The following ANXA4 variants were observed in gnomAD, a reference collection of about 807,000 sequenced individuals.
ANXA4 encodes annexin A4.
Under a neutral mutation model 49.8 loss-of-function variants are expected in ANXA4, and 39 were observed. The observed-to-expected ratio is 0.78, with a 90% confidence interval of 0.61 to 1.02. The LOEUF (loss-of-function observed/expected upper bound fraction) is 1.02. Ranked by LOEUF, ANXA4 falls within the 50% of genes least tolerant of loss-of-function variation. ANXA4 has a pLI of 0.00. For missense variants in ANXA4, 360 were observed against 410.1 expected (o/e 0.88, Z 1.05); for synonymous variants, 134 against 152.5 (o/e 0.88, Z 0.89).
chr2:69,775,867 G>A (rs1032944682), intron 1 of ANXA4, among the ~76,000 whole-genome samples: 4 of 152,062 alleles, frequency 2.6e-5, no homozygotes, highest in African/African-American at 4.8e-5. Context: ...AAGCTTCTTG[G>A]GTCTTTTGTT....
intron 3 of ANXA4, among the ~76,000 whole-genome samples, chr2:69,794,445 T>A (rs1672830463): frequency 6.6e-6 from 1 of 152,260 alleles, no homozygotes; most frequent in Non-Finnish European, 1.5e-5. Flanking sequence ...TCCTTCCTTT[T>A]TGTTACATAG....
At chr2:69,663,432 T>G (rs1034706328) in intron 2 of ANXA4, among the ~76,000 whole-genome samples, 2 of 143,398 alleles carry the variant, frequency 1.4e-5, no homozygotes, top group African/African-American at 5.2e-5. Flanking sequence ...ACAGAGAAAA[T>G]GAAATGAGGA....
chr2:69,815,157 T>C (rs1673928461), intron 8 of ANXA4: 1 of 152,178 alleles, frequency 6.6e-6, no homozygotes, highest in African/African-American at 2.4e-5. Flanking sequence ...CCCAGAATAA[T>C]GTTTGAGCAA....
At chr2:69,764,609 T>A (rs1256281864) in intron 1 of ANXA4, among the ~76,000 whole-genome samples, 5 of 152,184 alleles carry the variant, frequency 3.3e-5, no homozygotes, top group Non-Finnish European at 2.9e-5. Flanking sequence ...AATGCACCCA[T>A]CTTAAGTGGT....
chr2:69,738,972 T>A (rs1670310387), upstream of ANXA4, among the ~76,000 whole-genome samples: 1 of 152,178 alleles, frequency 6.6e-6, no homozygotes, highest in Non-Finnish European at 1.5e-5. Flanking sequence ...TTGGGATGGT[T>A]TTTTAGGCAG....
At chr2:69,659,510 A>G (rs929856063) in intron 2 of ANXA4, among the ~76,000 whole-genome samples, 1 of 152,198 alleles carries the variant, frequency 6.6e-6, no homozygotes, top group Non-Finnish European at 1.5e-5. Context: ...GGTGTGATCA[A>G]TAGCTCACTG....
intron 1 of ANXA4, among the ~76,000 whole-genome samples, chr2:69,649,389 T>C (rs1676136431): frequency 6.6e-6 from 1 of 151,832 alleles, no homozygotes; most frequent in Non-Finnish European, 1.5e-5. Flanking sequence ...TATAAGTACC[T>C]TTTTTACTAT....
intron 3 of ANXA4, among the ~76,000 whole-genome samples, chr2:69,797,398 A>G (rs770852728): frequency 6.6e-6 from 1 of 152,200 alleles, no homozygotes; most frequent in Non-Finnish European, 1.5e-5. Flanking sequence ...GTTTACCCAT[A>G]TGACCTCAGT....
At chr2:69,670,393 T>C (rs1465546149) in intron 2 of ANXA4, among the ~76,000 whole-genome samples, 1 of 135,232 alleles carries the variant, frequency 7.4e-6, no homozygotes, top group Middle Eastern at 4.8e-3. Flanking sequence ...TGAGCTGAGA[T>C]CGCACCACTG....
At chr2:69,735,512 C>T (rs1280186379) in intron 3 of ANXA4, among the ~76,000 whole-genome samples, 1 of 152,108 alleles carries the variant, frequency 6.6e-6, no homozygotes, top group African/African-American at 2.4e-5. Flanking sequence ...TTCCTTGCCC[C>T]AACACCTTGT....
chr2:69,657,870 A>G (rs1479117895), intron 2 of ANXA4, among the ~76,000 whole-genome samples: 1 of 152,206 alleles, frequency 6.6e-6, no homozygotes, highest in Non-Finnish European at 1.5e-5. Flanking sequence ...ATTTTTGTTC[A>G]CTAATTCTAT....
intron 2 of ANXA4, among the ~76,000 whole-genome samples, chr2:69,705,756 A>T (rs894191258): frequency 4.6e-5 from 7 of 152,136 alleles, no homozygotes; most frequent in African/African-American, 1.7e-4. Flanking sequence ...ACATGGTGAG[A>T]CCCTGTTTCT....
At chr2:69,757,835 T>C (rs1328174502) in intron 1 of ANXA4, among the ~76,000 whole-genome samples, 1 of 151,594 alleles carries the variant, frequency 6.6e-6, no homozygotes, top group Non-Finnish European at 1.5e-5. Flanking sequence ...GGTGTGTGCC[T>C]ATAGTCCCAG....
chr2:69,657,021 G>A (rs1224187311), intron 2 of ANXA4, among the ~76,000 whole-genome samples: 1 of 148,056 alleles, frequency 6.8e-6, no homozygotes, highest in Admixed American at 6.7e-5. Context: ...TTTTGAGGTG[G>A]AGTCTCTCTG....
intron 2 of ANXA4, among the ~76,000 whole-genome samples, chr2:69,697,137 A>G (rs1010358556): frequency 2.0e-5 from 3 of 152,184 alleles, no homozygotes; most frequent in Non-Finnish European, 4.4e-5. Context: ...TTTCATCTCC[A>G]TCGAAAATCT....
chr2:69,643,896 C>T (rs1206058543), upstream of ANXA4: 10 of 1,169,108 alleles, frequency 8.6e-6, no homozygotes, highest in African/African-American at 1.3e-4. Flanking sequence ...AAGGAGTCGA[C>T]CGCGAGAAGA....
At chr2:69,757,530 C>T (rs1402673755) in intron 1 of ANXA4, among the ~76,000 whole-genome samples, 2 of 149,778 alleles carry the variant, frequency 1.3e-5, no homozygotes. Flanking sequence ...GCCTCGGCCT[C>T]CCAAAGTTCT....
intron 2 of ANXA4, among the ~76,000 whole-genome samples, chr2:69,685,352 GT>G (rs138133538): frequency 0.14 from 20,684 of 151,496 alleles, 2,047 homozygotes; most frequent in East Asian, 0.37. Context: ...ATTTAATAAA[GT>G]TTTTTTTTCA....
At chr2:69,825,382 T>C in intron 12 of ANXA4, 74 bp from the exon 13 acceptor site, 1 of 1,249,588 alleles carries the variant, frequency 8.0e-7, no homozygotes. Flanking sequence ...CTTGAAAAAG[T>C]TGGCTTAGAT....
Sources: gnomAD v4.1 joint callset for allele counts (sites outside exome capture counted in the v4.1 genomes callset) on GRCh38, gnomAD v4.1.1 for gene constraint, MANE v1.5 for transcripts, NCBI Gene and HGNC (gene_info 2026-07-23, HGNC 2026-07-21) for gene names.